Variants in SNTB2 observed in about 807,000 individuals in gnomAD.
SNTB2 encodes the protein beta-2-syntrophin.
SNTB2 carries 34 observed loss-of-function variants against 46.2 expected under a neutral mutation model. The ratio of observed to expected loss-of-function variants is 0.74; its 90% CI spans 0.56 to 0.98. SNTB2 has a LOEUF of 0.98. Ranked by LOEUF, SNTB2 falls within the 50% of genes least tolerant of loss-of-function variation. The pLI is 0.00. For synonymous variants in SNTB2, 290 were observed against 312.6 expected, an observed-to-expected ratio of 0.93 and a Z score of 0.76; for missense variants, 603 against 731.4, an observed-to-expected ratio of 0.82 and a Z score of 2.02.
intron 4 of SNTB2, among the ~76,000 whole-genome samples, chr16:69,282,330 T>TA (rs1965058022): frequency 6.6e-6 from 1 of 151,470 alleles, no homozygotes; most frequent in Non-Finnish European, 1.5e-5. Context: ...GCGCTGGAAT[T>TA]ACAGACATGA....
At chr16:69,187,875 G>T in intron 1 of SNTB2, 129 bp downstream of exon 1, 1 of 769,776 alleles carries the variant, frequency 1.3e-6, no homozygotes, top group South Asian at 2.4e-5. Context: ...CGGGTTTCTG[G>T]AGCTTTCAGT....
At chr16:69,289,510 A>G (rs908286495) in intron 5 of SNTB2, among the ~76,000 whole-genome samples, 1 of 152,236 alleles carries the variant, frequency 6.6e-6, no homozygotes, top group African/African-American at 2.4e-5. Context: ...CCCAACATAT[A>G]GAATTGTTAA....
At chr16:69,243,963 G>C (rs1487041738) in intron 1 of SNTB2, among the ~76,000 whole-genome samples, 1 of 151,924 alleles carries the variant, frequency 6.6e-6, no homozygotes, top group African/African-American at 2.4e-5. Context: ...CTCTTCTACT[G>C]ATTACCATTA....
At position 69,305,575 on chromosome 16, in the gene SNTB2, A is replaced by G. The variant is rs984395966; in HGVS notation, c.*4651A>G. On this transcript the variant is annotated 3_prime_UTR_variant, in exon 7 of 7. Coordinates refer to ENST00000336278, the MANE Select transcript of SNTB2 (RefSeq NM_006750.4). ...GCAAATTGCTCTGATCAGATCAAATATCTATGTAATGAAAAGAGACTTACT... is the reference window on the plus strand; with the variant it reads ...GCAAATTGCTCTGATCAGATCAAATGTCTATGTAATGAAAAGAGACTTACT... 15 of 152,230 alleles carry G rather than the reference A, an allele frequency of 9.9e-5. No homozygotes were observed. Among genetic ancestry groups the G allele is most frequent in the Non-Finnish European group, 1.6e-4 (11 of 68,046 alleles). The allele number at this position is 152,230 out of a possible 1,614,324, so 9.4% of individuals were successfully genotyped here.
chr16:69,242,178 C>A (rs993479347), intron 1 of SNTB2, among the ~76,000 whole-genome samples: 1 of 152,082 alleles, frequency 6.6e-6, no homozygotes, highest in Non-Finnish European at 1.5e-5. Flanking sequence ...GTAATCCCAA[C>A]GCTTTGAGAG....
rs76471638 is a variant in SNTB2 at position 69,201,056 on chromosome 16, C to T, written c.580+13310C>T. 3.5e-3 allele frequency among the ~76,000 whole-genome samples: 527 copies of T among 152,268 alleles called. 6 individuals are homozygous for T. The highest frequency in any genetic ancestry group is 0.012 in the African/African-American group (496 of 41,546). On this transcript the variant is annotated intron_variant, in intron 1 of 6. Transcript: ENST00000336278. The stretch of plus-strand genomic sequence containing the variant: ...TCTCTGCTTTTTAAAATAATTACTC[C>T]TCATCACACTTTCAGGGCCTCCAGG...
chr16:69,269,485 C>T (rs930859961), intron 3 of SNTB2, among the ~76,000 whole-genome samples: 2 of 151,998 alleles, frequency 1.3e-5, no homozygotes, highest in South Asian at 2.1e-4. Context: ...CCGCTGCACT[C>T]CAGCTTGGCG....
intron 1 of SNTB2, among the ~76,000 whole-genome samples, chr16:69,206,805 G>T (rs1964224242): frequency 6.6e-6 from 1 of 150,424 alleles, no homozygotes. Flanking sequence ...TGCTCTTGTT[G>T]CCCAGGCTGG....
At chr16:69,292,528 G>A (rs1244455173) in intron 5 of SNTB2, among the ~76,000 whole-genome samples, 36 of 142,164 alleles carry the variant, frequency 2.5e-4, no homozygotes, top group African/African-American at 9.3e-4. Flanking sequence ...TGCAACCTCC[G>A]CCTCCCGGGT....
intron 1 of SNTB2, among the ~76,000 whole-genome samples, chr16:69,194,477 T>C (rs1567393582): frequency 6.6e-6 from 1 of 152,210 alleles, no homozygotes. Context: ...TGCCGGCTGG[T>C]ATAGTATAGT....
intron 3 of SNTB2, among the ~76,000 whole-genome samples, chr16:69,269,789 C>G (rs1567411356): frequency 6.6e-6 from 1 of 151,790 alleles, no homozygotes; most frequent in Non-Finnish European, 1.5e-5. Flanking sequence ...TCAGAATTGA[C>G]AATATTGGCC....
intron 1 of SNTB2, among the ~76,000 whole-genome samples, chr16:69,224,726 A>G (rs911735939): frequency 2.9e-4 from 44 of 152,112 alleles, no homozygotes; most frequent in African/African-American, 1.0e-3. Context: ...TCCTCCATTT[A>G]TGTATTTATT....
At chr16:69,247,188 A>G (rs184550121) in intron 2 of SNTB2, among the ~76,000 whole-genome samples, 1 of 152,142 alleles carries the variant, frequency 6.6e-6, no homozygotes, top group East Asian at 1.9e-4. Context: ...GGCTGAATCA[A>G]CCAGCAGTGT....
At chr16:69,235,270 T>G (rs777568426) in intron 1 of SNTB2, among the ~76,000 whole-genome samples, 17 of 152,102 alleles carry the variant, frequency 1.1e-4, no homozygotes, top group African/African-American at 3.9e-4. Flanking sequence ...TTGGAACATC[T>G]TAGCCAGTTT....
rs1965313130 is a variant in SNTB2 at position 69,306,006 on chromosome 16, A to C, written c.*5082A>C. On this transcript the variant is annotated 3_prime_UTR_variant, in exon 7 of 7. Transcript: ENST00000336278. ...TTCTAAAATAATTATGCTATATATC[A>C]GGGTTCTGTATTTTTGAGCAATATC... The C allele has an allele frequency of 2.6e-5, 4 of 152,172 alleles. No homozygotes were observed. Among genetic ancestry groups the C allele is most frequent in the African/African-American group, 7.2e-5 (3 of 41,432 alleles). The allele number at this position is 152,172 out of a possible 1,614,324, so 9.4% of individuals were successfully genotyped here. A position where few individuals can be genotyped will look rare whatever the true frequency, so the allele number is the denominator to read the frequency against.
At chr16:69,198,903 T>TC (rs1964133340) in intron 1 of SNTB2, among the ~76,000 whole-genome samples, 1 of 151,288 alleles carries the variant, frequency 6.6e-6, no homozygotes, top group South Asian at 2.1e-4. Context: ...AATGTTTTTT[T>TC]TTTTTTTTTT....
At chr16:69,286,480 T>C (rs1965103337) in intron 5 of SNTB2, among the ~76,000 whole-genome samples, 1 of 152,070 alleles carries the variant, frequency 6.6e-6, no homozygotes, top group Non-Finnish European at 1.5e-5. Context: ...GCCCAGGAGT[T>C]TGAGACCAGC....
intron 4 of SNTB2, among the ~76,000 whole-genome samples, chr16:69,275,207 G>A (rs1964975918): frequency 1.3e-5 from 2 of 151,768 alleles, no homozygotes; most frequent in Admixed American, 6.6e-5. Flanking sequence ...CGAGTAGCTA[G>A]GACTATAGGC....
Position 69,249,884 on chromosome 16 carries a change from A to C in SNTB2, c.794+4069A>C, listed in dbSNP as rs1008794982. ...GAGGCCAAGGTGGGTGGATCACTTG[A>C]TATCAGGAGTTCGAGACCAGCCTGG... On this transcript the variant is annotated intron_variant, in intron 2 of 6. Transcript: ENST00000336278. Among the ~76,000 whole-genome samples the C allele has an allele frequency of 9.9e-5, 15 of 152,242 alleles. No individual in the cohort carries two copies. The East Asian group carries it at 2.9e-3, about 29-fold the overall frequency.
Sources: allele counts gnomAD v4.1 joint callset (sites outside exome capture counted in the v4.1 genomes callset), GRCh38; gene constraint gnomAD v4.1.1; transcripts MANE v1.5; gene names NCBI Gene and HGNC (gene_info 2026-07-23, HGNC 2026-07-21).